Variants in SPAG16 observed in about 807,000 individuals in gnomAD.
SPAG16 encodes the protein sperm associated antigen 16, also known as sperm-associated antigen 16 protein.
Under a neutral mutation model 80.4 loss-of-function variants are expected in SPAG16, and 86 were observed. The ratio of observed to expected loss-of-function variants is 1.07; its 90% CI spans 0.90 to 1.28. SPAG16 has a LOEUF of 1.28. SPAG16 is among the 50% of genes most tolerant of loss of function. SPAG16 has a pLI of 0.00. For synonymous variants in SPAG16, 294 were observed against 265.9 expected, an observed-to-expected ratio of 1.11 and a Z score of -1.03; for missense variants, 870 against 765.3, an observed-to-expected ratio of 1.14 and a Z score of -1.61.
intron 10 of SPAG16, among the ~76,000 whole-genome samples, chr2:213,813,322 A>G (rs1288200516): frequency 6.6e-6 from 1 of 152,208 alleles, no homozygotes; most frequent in Non-Finnish European, 1.5e-5. Flanking sequence ...TCAAAGGTCA[A>G]ATGTAGGCTA....
intron 11 of SPAG16, among the ~76,000 whole-genome samples, chr2:213,871,873 CACACACAGAGAGAGAGAGAGAG>C (rs2075964329): frequency 3.5e-5 from 1 of 28,890 alleles, no homozygotes; most frequent in Non-Finnish European, 1.4e-4. Context: ...CACACACACA[CACACACAGAGAGAGAGAGAGAG>C]AGAGCAAACA....
chr2:213,309,332 C>T (rs1407077218), intron 3 of SPAG16, among the ~76,000 whole-genome samples: 1 of 151,968 alleles, frequency 6.6e-6, no homozygotes, highest in Non-Finnish European at 1.5e-5. Flanking sequence ...TTAGCTGACC[C>T]CTGATCTAGT....
chr2:214,286,286 T>A (rs1693353079), intron 15 of SPAG16, among the ~76,000 whole-genome samples: 1 of 152,198 alleles, frequency 6.6e-6, no homozygotes, highest in Non-Finnish European at 1.5e-5. Flanking sequence ...CAGTACTGTA[T>A]TGTGTACTTG....
intron 10 of SPAG16, among the ~76,000 whole-genome samples, chr2:213,599,397 C>A (rs1216800291): frequency 6.6e-6 from 1 of 152,206 alleles, no homozygotes; most frequent in Non-Finnish European, 1.5e-5. Context: ...CTTGGACCTT[C>A]TTCCACCTCT....
rs191943162 is a variant in SPAG16 at position 213,368,865 on chromosome 2, A to G, written c.832+4720A>G. On this transcript the variant is annotated intron_variant, in intron 8 of 15. Coordinates refer to ENST00000331683, the MANE Select transcript of SPAG16 (RefSeq NM_024532.5). Reference sequence around the variant, plus strand: ...AGAATCCAACTTACAAAGGATGTGAAGGACGTCTTCAAGGAGAACTACAAA... The same window carrying G: ...AGAATCCAACTTACAAAGGATGTGAGGGACGTCTTCAAGGAGAACTACAAA... 2.7e-3 allele frequency among the ~76,000 whole-genome samples: 411 copies of G among 152,336 alleles called. 2 individuals are homozygous for G. Among genetic ancestry groups the G allele is most frequent in the African/African-American group, 8.5e-3 (353 of 41,556 alleles).
intron 12 of SPAG16, among the ~76,000 whole-genome samples, chr2:213,991,576 C>T (rs80199286): frequency 0.032 from 4,830 of 152,156 alleles, 243 homozygotes; most frequent in African/African-American, 0.11. Context: ...CTCCTGGACC[C>T]CCGCACTTGT....
intron 15 of SPAG16, among the ~76,000 whole-genome samples, chr2:214,290,730 G>C (rs2125929884): frequency 6.6e-6 from 1 of 152,194 alleles, no homozygotes. Flanking sequence ...CTCTATTGTA[G>C]TCTGAGAATA....
chr2:213,407,003 A>G (rs1559099835), intron 9 of SPAG16, among the ~76,000 whole-genome samples: 1 of 151,752 alleles, frequency 6.6e-6, no homozygotes, highest in Non-Finnish European at 1.5e-5. Flanking sequence ...ACTCTCACAT[A>G]CTGCGGCGAC....
chr2:213,869,004 C>T (rs994836408), intron 11 of SPAG16, among the ~76,000 whole-genome samples: 3 of 151,802 alleles, frequency 2.0e-5, no homozygotes, highest in Admixed American at 6.6e-5. Flanking sequence ...GTAATCCCAG[C>T]ACTTTGGGAG....
At chr2:214,381,747 T>A (rs1376224721) in intron 15 of SPAG16, among the ~76,000 whole-genome samples, 6 of 152,158 alleles carry the variant, frequency 3.9e-5, no homozygotes, top group Admixed American at 3.9e-4. Flanking sequence ...AAAGTAGTAG[T>A]CAATCTGTTA....
chr2:214,165,226 A>C (rs111695642), intron 15 of SPAG16, among the ~76,000 whole-genome samples: 1 of 152,092 alleles, frequency 6.6e-6, no homozygotes, highest in African/African-American at 2.4e-5. Context: ...GGGGAAAACT[A>C]TTATATCAGT....
chr2:213,426,755 GT>G (rs2069944107), intron 9 of SPAG16, among the ~76,000 whole-genome samples: 1 of 42,814 alleles, frequency 2.3e-5, no homozygotes, highest in Non-Finnish European at 4.6e-5. Flanking sequence ...CATAAATCTG[GT>G]GTGTGTGTGT....
chr2:214,144,461 CT>C (rs2055530351), intron 14 of SPAG16, among the ~76,000 whole-genome samples: 1 of 151,906 alleles, frequency 6.6e-6, no homozygotes, highest in African/African-American at 2.4e-5. Flanking sequence ...AATTATTTAT[CT>C]AAGATATTCA....
intron 10 of SPAG16, among the ~76,000 whole-genome samples, chr2:213,860,482 T>TATATCTATATATAGATATAGATATATAG (rs2075405471): frequency 7.5e-6 from 1 of 132,866 alleles, no homozygotes; most frequent in South Asian, 2.3e-4. Flanking sequence ...TCTATATATA[T>TATATCTATATATAGATATAGATATATAG]ATATACACAC....
At chr2:214,386,230 C>T (rs1400807483) in intron 15 of SPAG16, among the ~76,000 whole-genome samples, 2 of 151,606 alleles carry the variant, frequency 1.3e-5, no homozygotes, top group East Asian at 2.0e-4. Flanking sequence ...CAAAACTTAG[C>T]CGGGCATGGT....
chr2:213,362,865 G>A (rs940651273), intron 7 of SPAG16, among the ~76,000 whole-genome samples: 8 of 152,228 alleles, frequency 5.3e-5, no homozygotes, highest in Non-Finnish European at 1.0e-4. Context: ...ACCAGCATCT[G>A]CAGAGAGATC....
chr2:213,718,461 C>T (rs533782177), intron 10 of SPAG16, among the ~76,000 whole-genome samples: 218 of 152,322 alleles, frequency 1.4e-3, no homozygotes, highest in African/African-American at 5.0e-3. Flanking sequence ...GGCTGGAGCC[C>T]ACTCCCTCAG....
At chr2:213,339,218 C>T (rs546040096) in intron 5 of SPAG16, among the ~76,000 whole-genome samples, 18 of 152,102 alleles carry the variant, frequency 1.2e-4, no homozygotes, top group Non-Finnish European at 2.4e-4. Flanking sequence ...CTTCTGACAC[C>T]GCTTAAAGCA....
chr2:214,078,336 T>G (rs1006615377), intron 13 of SPAG16, among the ~76,000 whole-genome samples: 1 of 152,044 alleles, frequency 6.6e-6, no homozygotes, highest in African/African-American at 2.4e-5. Context: ...GAGGATTGCT[T>G]GAGTCCAGGA....
Sources: gnomAD v4.1 joint callset for allele counts (sites outside exome capture counted in the v4.1 genomes callset) on GRCh38, gnomAD v4.1.1 for gene constraint, MANE v1.5 for transcripts, NCBI Gene and HGNC (gene_info 2026-07-23, HGNC 2026-07-21) for gene names.